HSPD1: variants seen among roughly 807,000 people sequenced by gnomAD.
The protein encoded by HSPD1 is heat shock protein family D (Hsp60) member 1, also known as 60 kDa heat shock protein, mitochondrial.
A neutral mutation model predicts 53.0 loss-of-function variants in HSPD1; 3 were observed. The ratio of observed to expected loss-of-function variants is 0.06; its 90% CI spans 0.03 to 0.15. The LOEUF is 0.15. HSPD1 is among the 10% of genes least tolerant of loss of function. HSPD1 has a pLI of 1.00. For missense variants in HSPD1, 431 were observed against 694.1 expected (o/e 0.62, Z 4.26); for synonymous variants, 200 against 228.0 (o/e 0.88, Z 1.10).
chr2:197,488,907 C>T (rs1315225328), intron 9 of HSPD1, 95 bp downstream of exon 9: 18 of 1,273,482 alleles, frequency 1.4e-5, no homozygotes, highest in Non-Finnish European at 1.8e-5. Context: ...CTCAAGTATT[C>T]GTTTAGTTCT....
chr2:197,487,873 G>A lies in HSPD1; in HGVS notation c.1554C>T (p.Ile518=), dbSNP rs1431773571. 1.9e-6 allele frequency: 3 copies of A among 1,613,298 alleles called. No individual in the cohort carries two copies. The highest frequency in any genetic ancestry group is 2.5e-6 in the Non-Finnish European group (3 of 1,179,380). The change falls in exon 11 of 12, where the codon ATC becomes ATT. Residue 518 remains isoleucine (I), a synonymous_variant. Coordinates refer to ENST00000388968, the MANE Select transcript of HSPD1 (RefSeq NM_002156.5). Reference sequence around the variant, plus strand: ...AACCATTTACCTTTGTTGGGTCAATGATTCCTTTTTCCACCATATTCACAA... The same window carrying A: ...AACCATTTACCTTTGTTGGGTCAATAATTCCTTTTTCCACCATATTCACAA... ...GDFVNMVEKG[I]IDPTKVVRTA... is the part of the protein sequence containing the mutation.
chr2:197,493,222 G>T, intron 7 of HSPD1, 102 bp downstream of exon 7: 1 of 973,350 alleles, frequency 1.0e-6, no homozygotes. Flanking sequence ...AACCCAACTG[G>T]ATCAAATGTG....
rs1403592815 is a variant in HSPD1, at chr2:197,487,035, TAG to T, written c.*9_*10del. ...CAGTTCATTAATAAAGGTAAAGCAC[TAG>T]TCTAGGAGTTAGAACATGCCACCTC... On this transcript the variant is annotated 3_prime_UTR_variant, in exon 12 of 12. Transcript: ENST00000388968. 8.0e-6 allele frequency: 10 copies of T among 1,244,390 alleles called. No individual in the cohort carries two copies. The African/African-American group carries it at 1.5e-4, about 18-fold the overall frequency. The allele number at this position is 1,244,390 out of a possible 1,614,324, so 77.1% of individuals were successfully genotyped here.
chr2:197,491,858 GC>G (rs1391361266), intron 7 of HSPD1, among the ~76,000 whole-genome samples: 1 of 152,198 alleles, frequency 6.6e-6, no homozygotes, highest in Non-Finnish European at 1.5e-5. Context: ...CTTGATCACA[GC>G]CAAGGGTAGT....
intron 2 of HSPD1, among the ~76,000 whole-genome samples, chr2:197,498,362 G>A (rs1283047136): frequency 6.6e-6 from 1 of 152,174 alleles, no homozygotes; most frequent in Non-Finnish European, 1.5e-5. Context: ...ATGAACTACT[G>A]GGAAAGGATC....
rs761150636 is a variant in HSPD1, at chr2:197,488,958, T to G, written c.1215+44A>C. 1.9e-6 allele frequency: 3 copies of G among 1,608,442 alleles called. No individual in the cohort carries two copies. In the Admixed American group the frequency reaches 5.0e-5, roughly 27 times the overall value. Reference sequence around the variant, plus strand: ...AATACTACAGAAGCAAAATCATTCTTGGACTCAGAACCCAAGAAACTTATT... The same window carrying G: ...AATACTACAGAAGCAAAATCATTCTGGGACTCAGAACCCAAGAAACTTATT... On this transcript the variant is annotated intron_variant, in intron 9 of 11. Transcript: ENST00000388968.
At chr2:197,495,020 C>G in intron 4 of HSPD1, 1 of 596,070 alleles carries the variant, frequency 1.7e-6, no homozygotes, top group South Asian at 2.1e-5. Context: ...ACTGACAAAA[C>G]TTATGCACCT....
intron 7 of HSPD1, among the ~76,000 whole-genome samples, chr2:197,491,412 G>A (rs967247763): frequency 1.1e-4 from 16 of 151,742 alleles, no homozygotes; most frequent in Non-Finnish European, 7.4e-5. Context: ...CACCCGCCTC[G>A]GCTTCCCAAA....
In HSPD1 at chr2:197,497,558, C is replaced by T. The variant is rs1232927476; in HGVS notation, c.175-166G>A. 4 of 672,076 alleles carry T rather than the reference C, an allele frequency of 6.0e-6. No individual in the cohort carries two copies. In the African/African-American group the frequency reaches 7.2e-5, roughly 12 times the overall value. The allele number at this position is 672,076 out of a possible 1,614,324, so 41.6% of individuals were successfully genotyped here. A position where few individuals can be genotyped will look rare whatever the true frequency, so the allele number is the denominator to read the frequency against. ...CCTCAAGGGCAAGTTTATCGACATT[C>T]TTTGTCTACAGACAAAATGACCTGA... On this transcript the variant is annotated intron_variant, in intron 2 of 11. Coordinates refer to ENST00000388968, the MANE Select transcript of HSPD1 (RefSeq NM_002156.5).
rs1438601135 is a variant in HSPD1 at position 197,487,067 on chromosome 2, A to G, written c.1701T>C (p.Gly567=). Residue 567 remains glycine, a synonymous_variant, in exon 12 of 12, where the codon GGT becomes GGC. Coordinates refer to ENST00000388968, the MANE Select transcript of HSPD1 (RefSeq NM_002156.5). ...GMGAMGGMGG[G]MGGGMF ...GGAGTTAGAACATGCCACCTCCCATACCACCTCCCATTCCACCCATTGCAC... is the reference window on the plus strand; with the variant it reads ...GGAGTTAGAACATGCCACCTCCCATGCCACCTCCCATTCCACCCATTGCAC... The G allele has an allele frequency of 6.6e-7, 1 of 1,508,026 alleles. No homozygotes were observed. The highest frequency in any genetic ancestry group is 1.1e-5 in the South Asian group (1 of 89,012). 93.4% of individuals were successfully genotyped at this position (1,508,026 alleles called of 1,614,324 possible).
chr2:197,495,885 A>C (rs766775501), intron 3 of HSPD1, among the ~76,000 whole-genome samples: 2 of 152,206 alleles, frequency 1.3e-5, no homozygotes, highest in Non-Finnish European at 2.9e-5. Flanking sequence ...ACAATGCCAA[A>C]ATTTTGAAAA....
chr2:197,497,201 A>T lies in HSPD1; in HGVS notation c.366T>A (p.Ser122=), dbSNP rs1166759713. The part of the protein sequence containing the change: ...GTTTATVLAR[S]IAKEGFEKIS... ...TCTTCTCGAAGCCTTCCTTGGCTAT[A>T]GAGCGTGCCAGTACAGTAGCAGTGG... Residue 122 remains serine (S), a synonymous_variant, in exon 3 of 12, where the codon TCT becomes TCA. Coordinates refer to ENST00000388968, the MANE Select transcript of HSPD1 (RefSeq NM_002156.5). 1.2e-6 allele frequency: 2 copies of T among 1,613,750 alleles called. No homozygotes were observed. Among genetic ancestry groups the T allele is most frequent in the East Asian group, 4.5e-5 (2 of 44,902 alleles).
chr2:197,488,540 C>T (rs773769352), intron 9 of HSPD1, 49 bp from the exon 10 acceptor site: 1 of 1,524,580 alleles, frequency 6.6e-7, no homozygotes, highest in Non-Finnish European at 9.1e-7. Flanking sequence ...ATTCAAGATG[C>T]TAATTGCCAA....
intron 6 of HSPD1, among the ~76,000 whole-genome samples, chr2:197,493,848 C>T (rs2106076042): frequency 6.6e-6 from 1 of 152,296 alleles, no homozygotes; most frequent in Admixed American, 6.5e-5. Flanking sequence ...TACCTATAAT[C>T]CCAGCACTTT....
At chr2:197,499,237 G>A (rs925116181) in intron 1 of HSPD1, 2 of 336,258 alleles carry the variant, frequency 5.9e-6, no homozygotes, top group African/African-American at 4.3e-5. Flanking sequence ...AAGTGACCAG[G>A]GAAGTTAAAA....
chr2:197,493,348 G>C lies in HSPD1; in HGVS notation c.845C>G (p.Ala282Gly), dbSNP rs1269000900. The C allele has an allele frequency of 6.2e-7, 1 of 1,613,424 alleles. No individual in the cohort carries two copies. Among genetic ancestry groups the C allele is most frequent in the Admixed American group, 1.7e-5 (1 of 59,944 alleles). ...VIIAEDVDGE[A>G]LSTLVLNRLK... ...CCTATTCAAGACGAGTGTACTTAGAGCTTCTCCATCAACATCTTCAGCGAT... is the reference window on the plus strand; with the variant it reads ...CCTATTCAAGACGAGTGTACTTAGACCTTCTCCATCAACATCTTCAGCGAT... The change falls in exon 7 of 12, where the codon GCT becomes GGT. Residue 282 changes from alanine (A) to glycine (G), a missense_variant. Ala to Gly is a moderately conservative substitution (Grantham distance 60). This residue lies in a region of HSPD1 where 386 missense variants were observed against 657.6 expected (regional missense o/e 0.59). Transcript: ENST00000388968.
intron 7 of HSPD1, among the ~76,000 whole-genome samples, chr2:197,491,071 CAG>C (rs202086979): frequency 0.013 from 2,010 of 152,144 alleles, 32 homozygotes; most frequent in Admixed American, 0.037. Flanking sequence ...AAATAAAAAT[CAG>C]AGGAATAAGC....
chr2:197,499,644 C>G (rs2086216216), intron 1 of HSPD1, 138 bp downstream of exon 1: 1 of 150,898 alleles, frequency 6.6e-6, no homozygotes, highest in Non-Finnish European at 1.5e-5. Flanking sequence ...CCTGGACCCG[C>G]AGGCCTGGGC....
At position 197,496,286 on chromosome 2, in the gene HSPD1, G is replaced by A. The variant is rs189175123; in HGVS notation, c.427+854C>T. Among the ~76,000 whole-genome samples, 9 of 152,290 alleles carry A rather than the reference G, an allele frequency of 5.9e-5. No homozygotes were observed. In the East Asian group the frequency reaches 9.6e-4, roughly 16 times the overall value. On this transcript the variant is annotated intron_variant, in intron 3 of 11. Transcript: ENST00000388968. Reference sequence around the variant, plus strand: ...AAAATCCAATGCAAGGTGCTGGTAAGTCCTCTTCATAACCTTAATTAATAC... The same window carrying A: ...AAAATCCAATGCAAGGTGCTGGTAAATCCTCTTCATAACCTTAATTAATAC...
Sources: allele counts gnomAD v4.1 joint callset (sites outside exome capture counted in the v4.1 genomes callset), GRCh38; gene constraint gnomAD v4.1.1; regional missense constraint gnomAD v4.1.1; transcripts MANE v1.5; gene names NCBI Gene and HGNC (gene_info 2026-07-23, HGNC 2026-07-21).